Variants in ATXN7L1 observed in about 807,000 individuals in gnomAD.
ATXN7L1 encodes ataxin-7-like protein 1.
In ATXN7L1, 15 loss-of-function variants were observed where a neutral mutation model predicts 70.8. That is an observed-to-expected ratio of 0.21 (90% CI 0.14 to 0.33). The LOEUF (loss-of-function observed/expected upper bound fraction) is 0.33, where lower values mean the gene tolerates loss of function less well. Among genes scored for constraint, ATXN7L1 ranks in the 10% least tolerant of loss-of-function variants. The probability of loss-of-function intolerance (pLI) is 1.00; values close to 1 mark genes in which losing one functional copy is unlikely to be tolerated. For synonymous variants in ATXN7L1, 440 were observed against 445.1 expected, an observed-to-expected ratio of 0.99 and a Z score of 0.14; for missense variants, 975 against 1,097.1, an observed-to-expected ratio of 0.89 and a Z score of 1.57.
chr7:105,731,623 G>C (rs1280688775), intron 3 of ATXN7L1, among the ~76,000 whole-genome samples: 1 of 151,208 alleles, frequency 6.6e-6, no homozygotes, highest in Non-Finnish European at 1.5e-5. Context: ...TTTAAGTAGA[G>C]ATGGGGTTTC....
intron 7 of ATXN7L1, among the ~76,000 whole-genome samples, chr7:105,633,634 C>T (rs1215880954): frequency 6.6e-6 from 1 of 152,078 alleles, no homozygotes; most frequent in East Asian, 1.9e-4. Flanking sequence ...GCAGGAAAAT[C>T]GCTTGAATCC....
At chr7:105,718,639 A>ATT (rs1255793678) in intron 3 of ATXN7L1, among the ~76,000 whole-genome samples, 11 of 152,226 alleles carry the variant, frequency 7.2e-5, no homozygotes, top group Non-Finnish European at 5.9e-5. Context: ...GGAGCAAAAA[A>ATT]TGTGGCCAGC....
At chr7:105,847,434 G>A (rs2116622895) in intron 2 of ATXN7L1, among the ~76,000 whole-genome samples, 1 of 152,310 alleles carries the variant, frequency 6.6e-6, no homozygotes, top group East Asian at 1.9e-4. Context: ...AAAGCATGCA[G>A]GCTGGAAGCC....
intron 3 of ATXN7L1, among the ~76,000 whole-genome samples, chr7:105,696,677 G>A (rs1291793652): frequency 6.6e-6 from 1 of 152,212 alleles, no homozygotes; most frequent in Non-Finnish European, 1.5e-5. Context: ...GTACTGGCAT[G>A]CTTAACCAAA....
chr7:105,632,694 C>A (rs916061159), intron 7 of ATXN7L1, among the ~76,000 whole-genome samples: 2 of 151,764 alleles, frequency 1.3e-5, no homozygotes, highest in Non-Finnish European at 2.9e-5. Flanking sequence ...AGGCTGAGGG[C>A]AGGTTGCTTG....
At chr7:105,778,558 T>G (rs920771684) in intron 3 of ATXN7L1, among the ~76,000 whole-genome samples, 4 of 149,302 alleles carry the variant, frequency 2.7e-5, no homozygotes, top group Non-Finnish European at 5.9e-5. Context: ...AATCCTAAAG[T>G]TATGAAGATC....
chr7:105,622,716 C>T (rs1401377531), intron 8 of ATXN7L1, among the ~76,000 whole-genome samples: 2 of 152,084 alleles, frequency 1.3e-5, no homozygotes, highest in Admixed American at 6.6e-5. Flanking sequence ...GGCATGTGAC[C>T]CATTTCTGGT....
chr7:105,710,401 C>CTTTTT (rs34003989), intron 3 of ATXN7L1, among the ~76,000 whole-genome samples: 6 of 78,130 alleles, frequency 7.7e-5, no homozygotes, highest in Admixed American at 3.3e-4. Flanking sequence ...GTGCCATGCA[C>CTTTTT]TTTTTTTTTT....
At chr7:105,837,558 GCCTCCCATCCACA>G (rs1812579397) in intron 2 of ATXN7L1, among the ~76,000 whole-genome samples, 1 of 152,164 alleles carries the variant, frequency 6.6e-6, no homozygotes. Flanking sequence ...CCATGACACT[GCCTCCCATCCACA>G]GCACCAGTGA....
At chr7:105,802,375 C>G (rs1806955353) in intron 2 of ATXN7L1, among the ~76,000 whole-genome samples, 1 of 152,144 alleles carries the variant, frequency 6.6e-6, no homozygotes, top group Non-Finnish European at 1.5e-5. Context: ...AGTCCCCAGC[C>G]TGCTGTTCAG....
chr7:105,641,146 G>T (rs1366561529), intron 5 of ATXN7L1, among the ~76,000 whole-genome samples: 1 of 147,158 alleles, frequency 6.8e-6, no homozygotes, highest in Non-Finnish European at 1.5e-5. Context: ...AGATTCCCTG[G>T]CTGGTTACCA....
chr7:105,826,683 GA>G (rs575198093), intron 2 of ATXN7L1, among the ~76,000 whole-genome samples: 1 of 151,836 alleles, frequency 6.6e-6, no homozygotes, highest in Admixed American at 6.6e-5. Flanking sequence ...TGGCCACCAA[GA>G]AAAAAACAAA....
intron 4 of ATXN7L1, among the ~76,000 whole-genome samples, chr7:105,658,608 G>T (rs1009834499): frequency 7.0e-6 from 1 of 143,502 alleles, no homozygotes; most frequent in Non-Finnish European, 1.5e-5. Flanking sequence ...TTGGCTCGCC[G>T]CAACCTCTGC....
chr7:105,660,576 CT>C (rs34008024), intron 4 of ATXN7L1, among the ~76,000 whole-genome samples: 5,770 of 77,740 alleles, frequency 0.074, 24 homozygotes, highest in East Asian at 0.13. Flanking sequence ...CGGAAGTGAC[CT>C]TTTTTTTTTT....
intron 1 of ATXN7L1, 47 bp from the exon 2 acceptor site, chr7:105,875,927 G>A: frequency 6.3e-7 from 1 of 1,576,094 alleles, no homozygotes; most frequent in Non-Finnish European, 8.7e-7. Flanking sequence ...GAAAAAAGGG[G>A]GGAAAAAAGC....
intron 3 of ATXN7L1, among the ~76,000 whole-genome samples, chr7:105,686,377 G>A (rs1806187417): frequency 6.6e-6 from 1 of 152,154 alleles, no homozygotes; most frequent in South Asian, 2.1e-4. Flanking sequence ...TCAGCAGAGT[G>A]TGGTGGTGGG....
At chr7:105,719,750 C>G (rs1003327568) in intron 3 of ATXN7L1, among the ~76,000 whole-genome samples, 2 of 152,098 alleles carry the variant, frequency 1.3e-5, no homozygotes, top group African/African-American at 2.4e-5. Context: ...TTTGGCAGCT[C>G]CATCAACAGA....
intron 4 of ATXN7L1, among the ~76,000 whole-genome samples, chr7:105,662,354 G>A (rs1178922906): frequency 1.3e-5 from 2 of 151,914 alleles, no homozygotes; most frequent in Non-Finnish European, 2.9e-5. Context: ...TGCCCATCTC[G>A]GCCTCCCAAA....
chr7:105,644,960 T>C (rs1798767352), intron 4 of ATXN7L1, among the ~76,000 whole-genome samples: 1 of 152,176 alleles, frequency 6.6e-6, no homozygotes, highest in Non-Finnish European at 1.5e-5. Context: ...GCAGGAGCCT[T>C]GAAGACATTA....
Sources: allele counts gnomAD v4.1 joint callset (sites outside exome capture counted in the v4.1 genomes callset), GRCh38; gene constraint gnomAD v4.1.1; transcripts MANE v1.5; gene names NCBI Gene and HGNC (gene_info 2026-07-23, HGNC 2026-07-21).